Variants in ASPM observed in about 807,000 individuals in gnomAD.
The protein encoded by ASPM is assembly factor for spindle microtubules, also known as abnormal spindle-like microcephaly-associated protein.
In ASPM, 256 loss-of-function variants were observed where a neutral mutation model predicts 366.4. The observed-to-expected ratio is 0.70, with a 90% CI of 0.63 to 0.77. ASPM has a LOEUF of 0.77. ASPM is among the 30% of genes least tolerant of loss of function. The pLI, the probability that ASPM is intolerant of heterozygous loss-of-function variation, is 0.00. For missense variants in ASPM, 4,146 were observed against 4,090.4 expected (o/e 1.01, Z -0.37); for synonymous variants, 1,414 against 1,342.9 (o/e 1.05, Z -1.16).
intron 17 of ASPM, among the ~76,000 whole-genome samples, chr1:197,112,789 G>A (rs1253749681): frequency 1.3e-5 from 2 of 152,038 alleles, no homozygotes. Context: ...GATGTCTCAT[G>A]TCTCCCTAAA....
At chr1:197,137,027 A>C (rs1557962540) in intron 4 of ASPM, among the ~76,000 whole-genome samples, 1 of 152,176 alleles carries the variant, frequency 6.6e-6, no homozygotes, top group Non-Finnish European at 1.5e-5. Flanking sequence ...TTACCTAAAA[A>C]GTCTATTCTC....
rs749806576 is a variant in ASPM, at chr1:197,146,339, C to A, written c.99G>T (p.Ala33=). Residue 33 remains alanine, a synonymous_variant, in exon 1 of 28, where the codon GCG becomes GCT. Transcript: ENST00000367409. ...GLRGPAAEEE[A]SSPPVLSLSH... ...TGAGAGACAGGACCGGCGGGGAAGA[C>A]GCCTCCTCCTCGGCCGCGGGGCCCC... 6.2e-7 allele frequency: 1 copy of A among 1,612,576 alleles called. No homozygotes were observed. The highest frequency in any genetic ancestry group is 8.5e-7 in the Non-Finnish European group (1 of 1,179,850).
At chr1:197,099,005 G>A (rs1484874218) in intron 18 of ASPM, among the ~76,000 whole-genome samples, 1 of 151,458 alleles carries the variant, frequency 6.6e-6, no homozygotes, top group East Asian at 1.9e-4. Context: ...TATTCCCTAT[G>A]TCAGGGTGTG....
At chr1:197,108,971 CA>C (rs564818123) in intron 17 of ASPM, among the ~76,000 whole-genome samples, 21,680 of 69,876 alleles carry the variant, frequency 0.31, 1,207 homozygotes, top group Non-Finnish European at 0.4. Flanking sequence ...ACCCTGTCTC[CA>C]AAAAAAAAAA....
chr1:197,087,983 T>C (rs867175821), intron 26 of ASPM, among the ~76,000 whole-genome samples: 4 of 152,318 alleles, frequency 2.6e-5, no homozygotes, highest in Admixed American at 2.0e-4. Flanking sequence ...TATCTGGTTT[T>C]CTATCTTGCT....
Position 197,135,166 on chromosome 1 carries a change from C to T in ASPM, c.2103G>A (p.Gln701=), listed in dbSNP as rs370972881. 1.6e-5 allele frequency: 26 copies of T among 1,613,384 alleles called. No homozygotes were observed. The African/African-American group carries it at 2.8e-4, about 17-fold the overall frequency. Residue 701 remains glutamine (Q), a synonymous_variant, in exon 5 of 28, where the codon CAG becomes CAA. Transcript: ENST00000367409. ...TAAAATTTAACCACCAAGTGAAGCCCTGTTCCTGCTTTTCCTTCCAGCGTT... is the reference window on the plus strand; with the variant it reads ...TAAAATTTAACCACCAAGTGAAGCCTTGTTCCTGCTTTTCCTTCCAGCGTT... ...YDERWKEKQE[Q]GFTWWLNFIL...
rs1571588622 is a variant in ASPM, at chr1:197,090,399, T to C, written c.9637-11A>G. Reference sequence around the variant, plus strand: ...GCCTCTCCATAATGCCTTAAAGAGATAAAACAGAGTAATTTTAAGATTATA... The same window carrying C: ...GCCTCTCCATAATGCCTTAAAGAGACAAAACAGAGTAATTTTAAGATTATA... On this transcript the variant is annotated splice_polypyrimidine_tract_variant and intron_variant, in intron 23 of 27. Coordinates refer to ENST00000367409, the MANE Select transcript of ASPM (RefSeq NM_018136.5). 2 of 1,574,654 alleles carry C rather than the reference T, an allele frequency of 1.3e-6. No homozygotes were observed. The highest frequency in any genetic ancestry group is 4.5e-5 in the East Asian group (2 of 44,424).
At chr1:197,120,111 C>T (rs1378172482) in intron 16 of ASPM, among the ~76,000 whole-genome samples, 1 of 151,998 alleles carries the variant, frequency 6.6e-6, no homozygotes, top group African/African-American at 2.4e-5. Context: ...AGTATAGAAA[C>T]TTCTCTTAAT....
At chr1:197,134,105 T>A (rs1022365225) in intron 5 of ASPM, among the ~76,000 whole-genome samples, 6 of 151,946 alleles carry the variant, frequency 3.9e-5, no homozygotes, top group African/African-American at 1.2e-4. Flanking sequence ...ACCCTTTTAA[T>A]ACAAAAATCC....
chr1:197,104,784 A>G lies in ASPM; in HGVS notation c.4467T>C (p.Ser1489=). Residue 1489 remains serine, a synonymous_variant, in exon 18 of 28, where the codon TCT becomes TCC. Coordinates refer to ENST00000367409, the MANE Select transcript of ASPM (RefSeq NM_018136.5). ...ATCTTTTCTGAATGATAACAACACAAGATCTAATATAAATATATTTCCGTA... is the reference window on the plus strand; with the variant it reads ...ATCTTTTCTGAATGATAACAACACAGGATCTAATATAAATATATTTCCGTA... ...KELRKYIYIR[S]CVVIIQKRFR... 6.3e-7 allele frequency: 1 copy of G among 1,591,902 alleles called. No homozygotes were observed. The highest frequency in any genetic ancestry group is 8.5e-7 in the Non-Finnish European group (1 of 1,171,702).
At chr1:197,136,914 CAT>C (rs1658436261) in intron 4 of ASPM, among the ~76,000 whole-genome samples, 1 of 151,834 alleles carries the variant, frequency 6.6e-6, no homozygotes, top group Non-Finnish European at 1.5e-5. Flanking sequence ...TTATAGTTAT[CAT>C]ATAATATCAT....
At chr1:197,111,329 AATGCCCATCACC>A (rs1301651040) in intron 17 of ASPM, among the ~76,000 whole-genome samples, 4 of 152,260 alleles carry the variant, frequency 2.6e-5, no homozygotes, top group African/African-American at 9.6e-5. Context: ...TCTATGAAAA[AATGCCCATCACC>A]ACTAAACATC....
At chr1:197,114,901 C>T (rs1176763054) in intron 17 of ASPM, among the ~76,000 whole-genome samples, 2 of 151,954 alleles carry the variant, frequency 1.3e-5, no homozygotes, top group Non-Finnish European at 2.9e-5. Context: ...GGCATGCACC[C>T]CCATGCCTAG....
rs377711494 is a variant in ASPM, at chr1:197,135,267, A to G, written c.2027-25T>C. 6.0e-5 allele frequency: 96 copies of G among 1,612,682 alleles called. 1 individual carries two copies. The South Asian group carries it at 6.4e-4, about 11-fold the overall frequency. ...TCTAAGAATACAATTAGGTTACTGC[A>G]TAACAAAATTTCCTTTAACTTATTG... On this transcript the variant is annotated intron_variant, in intron 4 of 27. Coordinates refer to ENST00000367409, the MANE Select transcript of ASPM (RefSeq NM_018136.5).
chr1:197,090,148 A>G (rs1188221447), intron 24 of ASPM, 48 bp downstream of exon 24: 5 of 1,612,422 alleles, frequency 3.1e-6, no homozygotes, highest in African/African-American at 1.3e-5. Flanking sequence ...AGTTTTAGCT[A>G]ATAATGTAGT....
At position 197,125,048 on chromosome 1, in the gene ASPM, T is replaced by C. The variant is rs1289232341; in HGVS notation, c.3080A>G (p.His1027Arg). The C allele has an allele frequency of 1.2e-6, 2 of 1,613,992 alleles. No homozygotes were observed. Among genetic ancestry groups the C allele is most frequent in the Admixed American group, 1.7e-5 (1 of 60,016 alleles). The stretch of plus-strand genomic sequence containing the variant: ...TTTTACCTCTACTCAGTTTTTACCA[T>C]GCTCATCACTTAATTCAATTCCTCG... ...KSRGIELSDE[H>R]GNTILSKDIV... The change falls in exon 11 of 28, where the codon CAT (histidine) becomes CGT (arginine). Residue 1027 changes from histidine to arginine, a missense_variant and splice_region_variant. Around this residue, in one of 3 missense-constraint regions of ASPM, gnomAD observed 3,624 missense variants for 3,591.7 expected, o/e 1.01. Transcript: ENST00000367409.
Position 197,100,835 on chromosome 1 carries a change from A to C in ASPM, c.8416T>G (p.Ser2806Ala), listed in dbSNP as rs756333839. The C allele has an allele frequency of 6.2e-7, 1 of 1,612,656 alleles. No individual in the cohort carries two copies. Among genetic ancestry groups the C allele is most frequent in the South Asian group, 1.1e-5 (1 of 91,066 alleles). ...EWYKASGLAC[S>A]QEAEYHSQSR... ...TGAGAATGATACTCTGCTTCCTGTGAACAAGCAAGGCCAGAAGCTTTATAC... is the reference window on the plus strand; with the variant it reads ...TGAGAATGATACTCTGCTTCCTGTGCACAAGCAAGGCCAGAAGCTTTATAC... Residue 2806 changes from serine to alanine, a missense_variant, in exon 18 of 28, where the codon TCA (serine) becomes GCA (alanine). Coordinates refer to ENST00000367409, the MANE Select transcript of ASPM (RefSeq NM_018136.5).
At chr1:197,135,771 C>G (rs1383173384) in intron 4 of ASPM, among the ~76,000 whole-genome samples, 2 of 151,594 alleles carry the variant, frequency 1.3e-5, no homozygotes, top group Non-Finnish European at 2.9e-5. Flanking sequence ...GGCAACATGG[C>G]AAAACCCCGT....
rs533925255 is a variant in ASPM at position 197,144,398 on chromosome 1, T to C, written c.298-298A>G. On this transcript the variant is annotated intron_variant, in intron 1 of 27. Coordinates refer to ENST00000367409, the MANE Select transcript of ASPM (RefSeq NM_018136.5). The stretch of plus-strand genomic sequence containing the variant: ...TGAGTGGTTTCAAAAGATTTAATTG[T>C]ACATTTCTAATTTTTAGATGTGTAG... Among the ~76,000 whole-genome samples the C allele has an allele frequency of 2.0e-5, 3 of 152,336 alleles. No individual in the cohort carries two copies. The South Asian group carries it at 6.2e-4, about 32-fold the overall frequency.
Sources: allele counts gnomAD v4.1 joint callset (sites outside exome capture counted in the v4.1 genomes callset), GRCh38; gene constraint gnomAD v4.1.1; regional missense constraint gnomAD v4.1.1; transcripts MANE v1.5; gene names NCBI Gene and HGNC (gene_info 2026-07-23, HGNC 2026-07-21).